The following SOHLH1 variants were observed in gnomAD, a reference collection of about 807,000 sequenced individuals.
The protein encoded by SOHLH1 is spermatogenesis- and oogenesis-specific basic helix-loop-helix-containing protein 1.
SOHLH1 carries 23 observed loss-of-function variants against 36.2 expected under a neutral mutation model. The observed-to-expected ratio is 0.64, with a 90% CI of 0.46 to 0.90. The LOEUF (loss-of-function observed/expected upper bound fraction) is 0.90. Ranked by LOEUF, SOHLH1 falls within the 40% of genes least tolerant of loss-of-function variation. The pLI is 0.00. For missense variants in SOHLH1, 608 were observed against 517.0 expected (o/e 1.18, Z -1.71); for synonymous variants, 289 against 228.3 (o/e 1.27, Z -2.40).
rs567963792 is a variant in SOHLH1, at chr9:135,698,353, C to G, written c.321G>C (p.Leu107=). 1 of 1,612,912 alleles carries G rather than the reference C, an allele frequency of 6.2e-7. No homozygotes were observed. The highest frequency in any genetic ancestry group is 1.3e-5 in the African/African-American group (1 of 74,922). The change falls in exon 3 of 8, where the codon CTG becomes CTC. Residue 107 remains leucine, a synonymous_variant. Transcript: ENST00000425225. ...CAGCGTGCTGCTCCTGACTGGGCCC[C>G]AGGGCGCTGGCAAGCCGCAGGAACT... ...SVQFLRLASA[L]GPSQEQHAIL...
intron 5 of SOHLH1, 139 bp downstream of exon 5, chr9:135,696,473 G>A (rs545184054): frequency 4.7e-5 from 46 of 968,662 alleles, no homozygotes; most frequent in Admixed American, 1.4e-4. Flanking sequence ...CCCTCAACAC[G>A]TGGGTTTCTC....
At position 135,699,130 on chromosome 9, in the gene SOHLH1, C is replaced by T; in HGVS notation, c.66-4G>A. Reference sequence around the variant, plus strand: ...GAGGGCACCAGACAGGGAGCCGCTGCCGAGAAAGCCAAGAGCACCGGGCCC... The same window carrying T: ...GAGGGCACCAGACAGGGAGCCGCTGTCGAGAAAGCCAAGAGCACCGGGCCC... On this transcript the variant is annotated splice_polypyrimidine_tract_variant and splice_region_variant and intron_variant, in intron 1 of 7. Transcript: ENST00000425225. The T allele has an allele frequency of 6.3e-7, 1 of 1,594,748 alleles. No homozygotes were observed. Among genetic ancestry groups the T allele is most frequent in the Non-Finnish European group, 8.5e-7 (1 of 1,173,768 alleles).
At chr9:135,701,724 G>C (rs1219616741), upstream of SOHLH1, among the ~76,000 whole-genome samples, 2 of 152,094 alleles carry the variant, frequency 1.3e-5, no homozygotes, top group Admixed American at 6.5e-5. Context: ...GTGTGGGGGC[G>C]GGGGGGCGGG....
rs1010347556 is a variant in SOHLH1 at position 135,699,247 on chromosome 9, A to G, written c.66-121T>C. ...GAAGCCAAGACTGGGTCACGTAGGGACACGGCCCGGCCCTCTCTGCACCCC... is the reference window on the plus strand; with the variant it reads ...GAAGCCAAGACTGGGTCACGTAGGGGCACGGCCCGGCCCTCTCTGCACCCC... On this transcript the variant is annotated intron_variant, in intron 1 of 7. Transcript: ENST00000425225. 9 of 1,517,754 alleles carry G rather than the reference A, an allele frequency of 5.9e-6. No individual in the cohort carries two copies. In the African/African-American group the frequency reaches 9.7e-5, roughly 16 times the overall value. The allele number at this position is 1,517,754 out of a possible 1,614,324, so 94.0% of individuals were successfully genotyped here.
chr9:135,696,979 T>C (rs1219092585), intron 4 of SOHLH1, among the ~76,000 whole-genome samples, 174 bp from the exon 5 acceptor site: 2 of 152,044 alleles, frequency 1.3e-5, no homozygotes, highest in Non-Finnish European at 2.9e-5. Context: ...TCCACAGCTG[T>C]CTACCCAGTT....
rs186588236 is a variant in SOHLH1, at chr9:135,694,218, G to C, written c.946+169C>G. The stretch of plus-strand genomic sequence containing the variant: ...CACACACTCACATATCACCTATAAC[G>C]CTCAATACCAGACACGGCCCAACAG... On this transcript the variant is annotated intron_variant, in intron 7 of 7. Transcript: ENST00000425225. 1,103 of 1,465,848 alleles carry C rather than the reference G, an allele frequency of 7.5e-4. 3 individuals carry two copies. Among genetic ancestry groups the C allele is most frequent in the Non-Finnish European group, 9.6e-4 (1,067 of 1,113,354 alleles). 90.8% of individuals were successfully genotyped at this position (1,465,848 alleles called of 1,614,324 possible). A position where few individuals can be genotyped will look rare whatever the true frequency, so the allele number is the denominator to read the frequency against.
At position 135,697,097 on chromosome 9, in the gene SOHLH1, G is replaced by A. The variant is rs532103601; in HGVS notation, c.468-292C>T. 5.3e-5 allele frequency among the ~76,000 whole-genome samples: 8 copies of A among 152,314 alleles called. No homozygotes were observed. The East Asian group carries it at 1.4e-3, about 26-fold the overall frequency. ...AAATGGGTACATTTAAACACAAGAT[G>A]CAGACAGTCCTTCAACCTGGGGAGC... On this transcript the variant is annotated intron_variant, in intron 4 of 7. Coordinates refer to ENST00000425225, the MANE Select transcript of SOHLH1 (RefSeq NM_001101677.2).
chr9:135,699,245 G>A, intron 1 of SOHLH1, 119 bp from the exon 2 acceptor site: 1 of 1,518,872 alleles, frequency 6.6e-7, no homozygotes, highest in Admixed American at 2.0e-5. Flanking sequence ...GGTCACGTAG[G>A]GACACGGCCC....
Position 135,698,332 on chromosome 9 carries a change from G to A in SOHLH1, c.342C>T (p.His114=), listed in dbSNP as rs199542255. The change falls in exon 3 of 8, where the codon CAC becomes CAT. Residue 114 remains histidine, a synonymous_variant. Transcript: ENST00000425225. ...GGCGTCTACCCTTACAACTCACAGC[G>A]TGCTGCTCCTGACTGGGCCCCAGGG... ...ASALGPSQEQ[H]AILASSKEMW... 5.3e-5 allele frequency: 85 copies of A among 1,612,984 alleles called. No individual in the cohort carries two copies. Among genetic ancestry groups the A allele is most frequent in the African/African-American group, 2.1e-4 (16 of 75,046 alleles).
At position 135,693,446 on chromosome 9, in the gene SOHLH1, T is replaced by G. The variant is rs1300122545; in HGVS notation, c.*151A>C. On this transcript the variant is annotated 3_prime_UTR_variant, in exon 8 of 8. Transcript: ENST00000425225. ...GGAAAACTGCTTTCCCTCTTTAATA[T>G]TCACTATCCTCTTCTCACAGCCTGT... is the stretch of plus-strand genomic sequence containing the variant. 7.2e-6 allele frequency: 8 copies of G among 1,111,056 alleles called. No homozygotes were observed. In the East Asian group the frequency reaches 2.1e-4, roughly 29 times the overall value. The allele number at this position is 1,111,056 out of a possible 1,614,324, so 68.8% of individuals were successfully genotyped here. A position where few individuals can be genotyped will look rare whatever the true frequency, so the allele number is the denominator to read the frequency against.
rs1834669141 is a variant in SOHLH1 at position 135,693,451 on chromosome 9, T to C, written c.*146A>G. 8.7e-7 allele frequency: 1 copy of C among 1,149,702 alleles called. No homozygotes were observed. The highest frequency in any genetic ancestry group is 1.2e-6 in the Non-Finnish European group (1 of 834,710). The allele number at this position is 1,149,702 out of a possible 1,614,324, so 71.2% of individuals were successfully genotyped here. On this transcript the variant is annotated 3_prime_UTR_variant, in exon 8 of 8. Transcript: ENST00000425225. ...ACTGCTTTCCCTCTTTAATATTCAC[T>C]ATCCTCTTCTCACAGCCTGTAAGCC...
upstream of SOHLH1, among the ~76,000 whole-genome samples, chr9:135,700,451 G>T (rs954401722): frequency 5.3e-5 from 8 of 151,990 alleles, no homozygotes; most frequent in African/African-American, 1.7e-4. Flanking sequence ...AGGGTGGGGG[G>T]TGAGGCTGGA....
At position 135,695,261 on chromosome 9, in the gene SOHLH1, G is replaced by A. The variant is rs150307035; in HGVS notation, c.664C>T (p.Pro222Ser). 1.9e-6 allele frequency: 3 copies of A among 1,591,690 alleles called. No homozygotes were observed. The African/African-American group carries it at 4.0e-5, about 21-fold the overall frequency. Residue 222 changes from proline (P) to serine (S), a missense_variant and splice_region_variant, in exon 6 of 8, where the codon CCT becomes TCT. Transcript: ENST00000425225. ...GGGGGCCACGGCACCAGGCTGGAAG[G>A]TTCTGGGAGAGAAGTCAGATGCGGG... Reference protein sequence around the residue: ...VRGGLPPFSEPSSLVPWPPGR... With the variant: ...VRGGLPPFSESSSLVPWPPGR...
chr9:135,699,738 C>T (rs1178058399), upstream of SOHLH1, among the ~76,000 whole-genome samples: 1 of 152,082 alleles, frequency 6.6e-6, no homozygotes, highest in Non-Finnish European at 1.5e-5. Context: ...GGGAAGGGGC[C>T]CCAGCCCAGG....
chr9:135,697,405 G>A, intron 4 of SOHLH1, 101 bp downstream of exon 4: 2 of 1,533,686 alleles, frequency 1.3e-6, no homozygotes, highest in Non-Finnish European at 8.8e-7. Context: ...GGCCAAGCCG[G>A]GCCTCCAGGC....
intron 6 of SOHLH1, among the ~76,000 whole-genome samples, 196 bp from the exon 7 acceptor site, chr9:135,694,653 G>GC (rs1834718606): frequency 6.6e-6 from 1 of 152,118 alleles, no homozygotes; most frequent in Admixed American, 6.5e-5. Context: ...AGCGGCTCTC[G>GC]CGGGTCCCGA....
At chr9:135,699,236 G>C in intron 1 of SOHLH1, 110 bp from the exon 2 acceptor site, 1 of 1,526,494 alleles carries the variant, frequency 6.6e-7, no homozygotes, top group East Asian at 2.5e-5. Flanking sequence ...CCAAGACTGG[G>C]TCACGTAGGG....
intron 5 of SOHLH1, 102 bp downstream of exon 5, chr9:135,696,510 C>A: frequency 8.1e-7 from 1 of 1,234,018 alleles, no homozygotes. Context: ...GGGAAAACTT[C>A]GAACCCCGTT....
intron 5 of SOHLH1, among the ~76,000 whole-genome samples, chr9:135,696,212 G>A (rs1588231655): frequency 6.6e-6 from 1 of 151,624 alleles, no homozygotes; most frequent in African/African-American, 2.4e-5. Flanking sequence ...GGAGTGACCA[G>A]GATGGGGCCA....
Sources: allele counts gnomAD v4.1 joint callset (sites outside exome capture counted in the v4.1 genomes callset), GRCh38; gene constraint gnomAD v4.1.1; transcripts MANE v1.5; gene names NCBI Gene and HGNC (gene_info 2026-07-23, HGNC 2026-07-21).